Variants in CSMD1 observed in about 807,000 individuals in gnomAD.
The protein encoded by CSMD1 is CUB and sushi domain-containing protein 1.
Under a neutral mutation model 417.5 loss-of-function variants are expected in CSMD1, and 213 were observed. The observed-to-expected ratio is 0.51, with a 90% CI of 0.46 to 0.57. The LOEUF (loss-of-function observed/expected upper bound fraction) is 0.57. Among genes scored for constraint, CSMD1 ranks in the 20% least tolerant of loss-of-function variants. The pLI is 0.00. For missense variants in CSMD1, 6,923 were observed against 4,529.7 expected (o/e 1.53, Z -15.17); for synonymous variants, 2,862 against 1,736.8 (o/e 1.65, Z -16.11).
At chr8:3,469,916 G>C (rs904041957) in intron 11 of CSMD1, among the ~76,000 whole-genome samples, 19 of 152,162 alleles carry the variant, frequency 1.2e-4, no homozygotes, top group African/African-American at 4.3e-4. Flanking sequence ...TGGCAACATT[G>C]TTCTTTTTCA....
At chr8:3,757,380 T>C (rs1797717616) in intron 5 of CSMD1, among the ~76,000 whole-genome samples, 1 of 152,218 alleles carries the variant, frequency 6.6e-6, no homozygotes, top group Non-Finnish European at 1.5e-5. Context: ...GTGGGTGTGT[T>C]CCAATAACAC....
In CSMD1 at chr8:3,509,602, G is replaced by C. The variant is rs934616648; in HGVS notation, c.1345-15876C>G. 2.6e-5 allele frequency among the ~76,000 whole-genome samples: 4 copies of C among 152,136 alleles called. No individual in the cohort carries two copies. The South Asian group carries it at 6.2e-4, about 24-fold the overall frequency. On this transcript the variant is annotated intron_variant, in intron 10 of 69. Transcript: ENST00000635120. ...GTTTCTATGTTAGAAGCTATATCTA[G>C]TGGATATAACAGATCTAATCTGGGA...
chr8:3,226,234 G>A (rs540857514), intron 27 of CSMD1, among the ~76,000 whole-genome samples: 35 of 152,106 alleles, frequency 2.3e-4, no homozygotes, highest in Non-Finnish European at 4.9e-4. Context: ...TTGGGGAAAA[G>A]CAATTGCAGG....
intron 3 of CSMD1, among the ~76,000 whole-genome samples, chr8:4,162,810 G>C (rs892767264): frequency 1.3e-5 from 2 of 152,142 alleles, no homozygotes; most frequent in Non-Finnish European, 2.9e-5. Flanking sequence ...CATGCTATGG[G>C]TGTGGATAAA....
chr8:4,846,132 C>T (rs546345234), intron 1 of CSMD1, among the ~76,000 whole-genome samples: 2 of 152,306 alleles, frequency 1.3e-5, no homozygotes, highest in African/African-American at 4.8e-5. Flanking sequence ...TACCTCATCT[C>T]TTTCTCCTGT....
chr8:4,637,365 A>C lies in CSMD1; in HGVS notation c.279T>G (p.Pro93=). The change falls in exon 2 of 70, where the codon CCT becomes CCG. Residue 93 remains proline, a synonymous_variant. Coordinates refer to ENST00000635120, the MANE Select transcript of CSMD1 (RefSeq NM_033225.6). ...FDILSVYDGQ[P]QQGNLKVRLS... ...ACCTCACTTTTAAATTCCCTTGTTG[A>C]GGCTGTCCATCGTAAACTGATAAAA... The C allele has an allele frequency of 6.2e-7, 1 of 1,613,738 alleles. No homozygotes were observed. The highest frequency in any genetic ancestry group is 8.5e-7 in the Non-Finnish European group (1 of 1,179,652).
chr8:3,887,643 G>A (rs1439627665), intron 5 of CSMD1, among the ~76,000 whole-genome samples: 1 of 152,170 alleles, frequency 6.6e-6, no homozygotes, highest in Non-Finnish European at 1.5e-5. Context: ...TGAGAACACT[G>A]TTCCACACCT....
Position 3,396,351 on chromosome 8 carries a change from C to A in CSMD1, c.2436G>T (p.Leu812Phe). The A allele has an allele frequency of 1.2e-6, 2 of 1,601,914 alleles. No homozygotes were observed. Among genetic ancestry groups the A allele is most frequent in the Non-Finnish European group, 1.7e-6 (2 of 1,174,216 alleles). Residue 812 changes from leucine to phenylalanine, a missense_variant, in exon 17 of 70, where the codon TTG (leucine) becomes TTT (phenylalanine). Coordinates refer to ENST00000635120, the MANE Select transcript of CSMD1 (RefSeq NM_033225.6). ...RFQTEVNYDT[L>F]EVRDGPASSS... ...AACTGGCTGGCCCATCTCTGACCTC[C>A]AAGGTGTCATAATTGACCTCTGTCT...
At chr8:4,275,504 A>G (rs1796434729) in intron 3 of CSMD1, among the ~76,000 whole-genome samples, 1 of 152,182 alleles carries the variant, frequency 6.6e-6, no homozygotes, top group African/African-American at 2.4e-5. Context: ...ATAGGAAAAC[A>G]AACAACTGTG....
At chr8:3,882,860 C>T (rs1806296279) in intron 5 of CSMD1, among the ~76,000 whole-genome samples, 1 of 152,142 alleles carries the variant, frequency 6.6e-6, no homozygotes, top group Non-Finnish European at 1.5e-5. Context: ...AAGAGAATGG[C>T]TACCCCTGAG....
intron 3 of CSMD1, among the ~76,000 whole-genome samples, chr8:4,292,804 T>C (rs550043840): frequency 6.6e-6 from 1 of 152,338 alleles, no homozygotes; most frequent in South Asian, 2.1e-4. Context: ...TGTATCTTAT[T>C]ACATAAAAGA....
chr8:3,570,465 G>A (rs1214637972), intron 10 of CSMD1, among the ~76,000 whole-genome samples: 3 of 152,158 alleles, frequency 2.0e-5, no homozygotes, highest in Non-Finnish European at 2.9e-5. Flanking sequence ...AGCCAAACAT[G>A]CCTCATTTCA....
chr8:4,787,514 T>A, intron 1 of CSMD1: 1 of 1,050,974 alleles, frequency 9.5e-7, no homozygotes, highest in Non-Finnish European at 1.5e-6. Context: ...TTTTCAGTTA[T>A]TATAGGAAGC....
chr8:4,761,088 T>A (rs1472437426), intron 1 of CSMD1, among the ~76,000 whole-genome samples: 2 of 152,172 alleles, frequency 1.3e-5, no homozygotes, highest in East Asian at 3.8e-4. Context: ...TGTTTGTTAA[T>A]CAGACTGCAG....
intron 52 of CSMD1, among the ~76,000 whole-genome samples, chr8:3,017,374 G>GCATAC (rs1808929842): frequency 6.6e-6 from 1 of 152,282 alleles, no homozygotes; most frequent in African/African-American, 2.4e-5. Flanking sequence ...ACATGAAGAA[G>GCATAC]CATACATAGT....
intron 1 of CSMD1, among the ~76,000 whole-genome samples, chr8:4,895,938 A>T (rs955683865): frequency 5.9e-5 from 9 of 151,902 alleles, no homozygotes; most frequent in Non-Finnish European, 1.0e-4. Context: ...TATTTTTTTG[A>T]CATCATCCCT....
intron 21 of CSMD1, among the ~76,000 whole-genome samples, chr8:3,351,707 T>C (rs1434886057): frequency 6.7e-6 from 1 of 148,746 alleles, no homozygotes; most frequent in African/African-American, 2.4e-5. Context: ...AATAATTGTA[T>C]ATAGAAACAA....
intron 11 of CSMD1, among the ~76,000 whole-genome samples, chr8:3,493,022 G>A (rs964406114): frequency 1.3e-5 from 2 of 152,232 alleles, no homozygotes; most frequent in Non-Finnish European, 1.5e-5. Context: ...GCTGGGTGCG[G>A]TGGTTCACAC....
At chr8:3,586,397 G>GTAGTATGTA (rs998120061) in intron 8 of CSMD1, 137 bp from the exon 9 acceptor site, 5 of 789,574 alleles carry the variant, frequency 6.3e-6, no homozygotes, top group African/African-American at 3.5e-5. Context: ...AACTCATTAG[G>GTAGTATGTA]TAGTATGTAT....
Sources: allele counts gnomAD v4.1 joint callset (sites outside exome capture counted in the v4.1 genomes callset), GRCh38; gene constraint gnomAD v4.1.1; transcripts MANE v1.5; gene names NCBI Gene and HGNC (gene_info 2026-07-23, HGNC 2026-07-21).